Variants in MAPKAP1 observed in about 807,000 individuals in gnomAD.
MAPKAP1 encodes the protein MAPK associated protein 1.
A neutral mutation model predicts 65.7 loss-of-function variants in MAPKAP1; 20 were observed. The observed-to-expected ratio is 0.30, with a 90% confidence interval of 0.21 to 0.44. MAPKAP1 has a LOEUF of 0.44. Ranked by LOEUF, MAPKAP1 falls within the 20% of genes least tolerant of loss-of-function variation. The pLI is 1.00. For missense variants in MAPKAP1, 423 were observed against 648.0 expected (o/e 0.65, Z 3.77); for synonymous variants, 222 against 244.3 (o/e 0.91, Z 0.85).
At chr9:125,452,292 T>C (rs1203631941) in intron 10 of MAPKAP1, among the ~76,000 whole-genome samples, 1 of 151,988 alleles carries the variant, frequency 6.6e-6, no homozygotes, top group African/African-American at 2.4e-5. Context: ...GGAGATGGGG[T>C]TTTGCCATGT....
chr9:125,619,486 A>C lies in MAPKAP1; in HGVS notation c.499-33759T>G, dbSNP rs890018671. 3.2e-4 allele frequency among the ~76,000 whole-genome samples: 48 copies of C among 152,108 alleles called. 1 individual carries two copies. The highest frequency in any genetic ancestry group is 1.2e-4 in the Non-Finnish European group (8 of 68,032). The stretch of plus-strand genomic sequence containing the variant: ...AGCAAGACTCCATTTAAAAAAAAAA[A>C]AAACTGCGTTTTATTCTGTATATTA... On this transcript the variant is annotated intron_variant, in intron 4 of 11. Transcript: ENST00000265960.
rs1008839815 is a variant in MAPKAP1 at position 125,592,977 on chromosome 9, C to CA, written c.499-7251dup. ...GGAAAAAGTAAGTTGAAATATAACTCAAAAAAAAAAAAAGAAAAAAAAGAA... is the reference window on the plus strand; with the variant it reads ...GGAAAAAGTAAGTTGAAATATAACTCAAAAAAAAAAAAAAGAAAAAAAAGAA... On this transcript the variant is annotated intron_variant, in intron 4 of 11. Coordinates refer to ENST00000265960, the MANE Select transcript of MAPKAP1 (RefSeq NM_001006617.3). 7.2e-3 allele frequency among the ~76,000 whole-genome samples: 836 copies of CA among 115,534 alleles called. 7 individuals carry two copies. The highest frequency in any genetic ancestry group is 0.018 in the African/African-American group (561 of 31,496). The allele number at this position is 115,534 out of a possible 152,430, so 75.8% of individuals were successfully genotyped here.
At chr9:125,620,519 A>T (rs1024619837) in intron 4 of MAPKAP1, among the ~76,000 whole-genome samples, 5 of 152,234 alleles carry the variant, frequency 3.3e-5, no homozygotes, top group Non-Finnish European at 1.5e-5. Context: ...TATCCTACAC[A>T]TATAATCGCA....
intron 1 of MAPKAP1, among the ~76,000 whole-genome samples, chr9:125,697,463 TA>T (rs1156941399): frequency 2.0e-5 from 3 of 152,322 alleles, no homozygotes; most frequent in African/African-American, 7.2e-5. Context: ...GACCATACTT[TA>T]TAGAGTGTCA....
At chr9:125,587,736 T>A (rs537112657) in intron 4 of MAPKAP1, among the ~76,000 whole-genome samples, 4 of 152,266 alleles carry the variant, frequency 2.6e-5, no homozygotes, top group Admixed American at 2.6e-4. Flanking sequence ...GAAGACAAAA[T>A]TTTTTAATGG....
At chr9:125,615,175 G>T (rs1832709942) in intron 4 of MAPKAP1, among the ~76,000 whole-genome samples, 1 of 151,810 alleles carries the variant, frequency 6.6e-6, no homozygotes, top group Admixed American at 6.6e-5. Flanking sequence ...TTTAATAATA[G>T]GTATATGTGA....
intron 1 of MAPKAP1, among the ~76,000 whole-genome samples, chr9:125,698,327 AT>A (rs1564622610): frequency 1.1e-3 from 104 of 97,354 alleles, no homozygotes; most frequent in East Asian, 1.3e-3. Flanking sequence ...ATATATATAT[AT>A]ATATATATAA....
rs1033384550 is a variant in MAPKAP1, at chr9:125,468,214, C to T, written c.1208-105G>A. 76 of 1,227,710 alleles carry T rather than the reference C, an allele frequency of 6.2e-5. No homozygotes were observed. In the Middle Eastern group the frequency reaches 1.7e-3, roughly 27 times the overall value. The allele number at this position is 1,227,710 out of a possible 1,614,324, so 76.1% of individuals were successfully genotyped here. On this transcript the variant is annotated intron_variant, in intron 9 of 11. Transcript: ENST00000265960. ...TTTTATAAATCTGAAATTGCATGAA[C>T]GTGAGCTCTTTCTTAGGGCTTTGGG...
chr9:125,459,144 G>A (rs1165295856), intron 10 of MAPKAP1, among the ~76,000 whole-genome samples: 3 of 146,950 alleles, frequency 2.0e-5, no homozygotes, highest in Non-Finnish European at 4.5e-5. Flanking sequence ...ACGGGGTCGC[G>A]GCCGGGCAGA....
intron 4 of MAPKAP1, among the ~76,000 whole-genome samples, chr9:125,609,925 C>A (rs1033693466): frequency 6.6e-6 from 1 of 152,190 alleles, no homozygotes; most frequent in African/African-American, 2.4e-5. Context: ...ACAGCCCCCA[C>A]TTACCCTATT....
intron 1 of MAPKAP1, among the ~76,000 whole-genome samples, chr9:125,702,973 T>C (rs1036331837): frequency 6.6e-6 from 1 of 152,160 alleles, no homozygotes; most frequent in Non-Finnish European, 1.5e-5. Flanking sequence ...TAGTGAGCTA[T>C]TACCACGAAA....
At chr9:125,488,662 A>T (rs1354450745) in intron 8 of MAPKAP1, among the ~76,000 whole-genome samples, 1 of 152,158 alleles carries the variant, frequency 6.6e-6, no homozygotes, top group African/African-American at 2.4e-5. Flanking sequence ...GTCATTTCTC[A>T]AAGTAGGCTC....
chr9:125,704,736 A>C (rs1329505859), intron 1 of MAPKAP1, among the ~76,000 whole-genome samples: 1 of 152,158 alleles, frequency 6.6e-6, no homozygotes, highest in Non-Finnish European at 1.5e-5. Context: ...AGAAGCAATG[A>C]CTTGCATGAC....
At position 125,642,930 on chromosome 9, in the gene MAPKAP1, C is replaced by T. The variant is rs556005828; in HGVS notation, c.498+14721G>A. Among the ~76,000 whole-genome samples the T allele has an allele frequency of 5.9e-5, 9 of 151,994 alleles. No homozygotes were observed. The South Asian group carries it at 1.7e-3, about 28-fold the overall frequency. On this transcript the variant is annotated intron_variant, in intron 4 of 11. Coordinates refer to ENST00000265960, the MANE Select transcript of MAPKAP1 (RefSeq NM_001006617.3). ...TTTTTTTTTTCTTGTGATGGAGTCT[C>T]GATCTGTCACCCAGGCTGGAGTGCA...
intron 5 of MAPKAP1, among the ~76,000 whole-genome samples, chr9:125,574,150 CTG>C (rs772274516): frequency 3.3e-5 from 5 of 152,192 alleles, no homozygotes; most frequent in African/African-American, 4.8e-5. Context: ...CCCCAACAAA[CTG>C]TGCATTTTTT....
rs543442089 is a variant in MAPKAP1, at chr9:125,448,264, T to C, written c.1346-3666A>G. Reference sequence around the variant, plus strand: ...ATGGGGAGACTCTTTCACAACAGAATAATAGCTAATAATCAGAATTCACAC... The same window carrying C: ...ATGGGGAGACTCTTTCACAACAGAACAATAGCTAATAATCAGAATTCACAC... On this transcript the variant is annotated intron_variant, in intron 10 of 11. Coordinates refer to ENST00000265960, the MANE Select transcript of MAPKAP1 (RefSeq NM_001006617.3). Among the ~76,000 whole-genome samples the C allele has an allele frequency of 4.6e-5, 7 of 152,240 alleles. No homozygotes were observed. The South Asian group carries it at 1.5e-3, about 32-fold the overall frequency.
chr9:125,672,114 C>T (rs1217582370), intron 2 of MAPKAP1, among the ~76,000 whole-genome samples: 1 of 152,190 alleles, frequency 6.6e-6, no homozygotes, highest in Non-Finnish European at 1.5e-5. Context: ...CTGTCTACTT[C>T]TAATAATATT....
At chr9:125,527,155 G>A (rs560057836) in intron 7 of MAPKAP1, among the ~76,000 whole-genome samples, 4 of 150,180 alleles carry the variant, frequency 2.7e-5, no homozygotes, top group African/African-American at 7.4e-5. Context: ...AGCTCTGCCC[G>A]CCCCCAGGTT....
chr9:125,538,876 A>G (rs939664175), intron 7 of MAPKAP1, among the ~76,000 whole-genome samples: 1 of 152,194 alleles, frequency 6.6e-6, no homozygotes, highest in African/African-American at 2.4e-5. Flanking sequence ...TTATGGATCG[A>G]TATTTACATT....
Sources: allele counts gnomAD v4.1 joint callset (sites outside exome capture counted in the v4.1 genomes callset), GRCh38; gene constraint gnomAD v4.1.1; transcripts MANE v1.5; gene names NCBI Gene and HGNC (gene_info 2026-07-23, HGNC 2026-07-21).